The following GRM1 variants were observed in gnomAD, a reference collection of about 807,000 sequenced individuals.
The protein encoded by GRM1 is metabotropic glutamate receptor 1.
In GRM1, 33 loss-of-function variants were observed where a neutral mutation model predicts 90.9. The ratio of observed to expected loss-of-function variants is 0.36; its 90% CI spans 0.28 to 0.49. The LOEUF is 0.49. Among genes scored for constraint, GRM1 ranks in the 20% least tolerant of loss-of-function variants. GRM1 has a pLI of 0.99. For synonymous variants in GRM1, 700 were observed against 613.2 expected, an observed-to-expected ratio of 1.14 and a Z score of -2.09; for missense variants, 1,190 against 1,534.3, an observed-to-expected ratio of 0.78 and a Z score of 3.75.
chr6:146,365,464 A>G (rs1214426834), intron 5 of GRM1: 1 of 152,236 alleles, frequency 6.6e-6, no homozygotes, highest in Non-Finnish European at 1.5e-5. Flanking sequence ...ACAGATCCCC[A>G]TGGAGAAATG....
intron 6 of GRM1, among the ~76,000 whole-genome samples, chr6:146,389,654 T>C (rs1000615754): frequency 4.6e-5 from 7 of 152,114 alleles, no homozygotes; most frequent in Non-Finnish European, 8.8e-5. Context: ...AGCTATCATA[T>C]GCATAAAAGT....
chr6:146,371,906 A>G lies in GRM1; in HGVS notation c.1602+14212A>G, dbSNP rs529353996. On this transcript the variant is annotated intron_variant, in intron 5 of 7. Coordinates refer to ENST00000282753, the MANE Select transcript of GRM1 (RefSeq NM_001278064.2). The stretch of plus-strand genomic sequence containing the variant: ...TGCTTCCAAATCTTAGCTATTAGAA[A>G]AAGTGCTACAACAAACATAGGAGTG... 2.6e-5 allele frequency among the ~76,000 whole-genome samples: 4 copies of G among 152,264 alleles called. No homozygotes were observed. The South Asian group carries it at 8.3e-4, about 32-fold the overall frequency.
rs201307175 is a variant in GRM1 at position 146,119,167 on chromosome 6, T to C, written c.701-40181T>C. On this transcript the variant is annotated intron_variant, in intron 1 of 7. Transcript: ENST00000282753. Reference sequence around the variant, plus strand: ...GTGAGATGGTATCTCATTGTGGTTTTGATTTGCATTTCTCTGATGGCCAGT... The same window carrying C: ...GTGAGATGGTATCTCATTGTGGTTTCGATTTGCATTTCTCTGATGGCCAGT... 3.3e-5 allele frequency among the ~76,000 whole-genome samples: 5 copies of C among 152,374 alleles called. No individual in the cohort carries two copies. In the East Asian group the frequency reaches 9.6e-4, roughly 29 times the overall value.
At chr6:146,209,639 A>G (rs146896594) in intron 2 of GRM1, among the ~76,000 whole-genome samples, 34 of 152,244 alleles carry the variant, frequency 2.2e-4, no homozygotes, top group African/African-American at 7.2e-4. Flanking sequence ...ATGGTTAGGG[A>G]TGGAAGGGTA....
chr6:146,091,326 C>T (rs568249220), intron 1 of GRM1, among the ~76,000 whole-genome samples: 5 of 152,090 alleles, frequency 3.3e-5, no homozygotes, highest in African/African-American at 1.2e-4. Flanking sequence ...GTGAGGAGGC[C>T]GGGGTGAGTG....
intron 2 of GRM1, among the ~76,000 whole-genome samples, chr6:146,279,458 A>G (rs185943287): frequency 6.6e-6 from 1 of 152,154 alleles, no homozygotes. Context: ...AGATATAAAA[A>G]TTTTTTAACC....
intron 6 of GRM1, 73 bp from the exon 7 acceptor site, chr6:146,398,696 G>A (rs362934): frequency 2.7e-5 from 27 of 996,034 alleles, no homozygotes; most frequent in Non-Finnish European, 4.4e-5. Flanking sequence ...CTGTGTCTCT[G>A]GTAATTAATA....
chr6:146,101,469 A>G (rs1202674307), intron 1 of GRM1, among the ~76,000 whole-genome samples: 1 of 151,952 alleles, frequency 6.6e-6, no homozygotes, highest in African/African-American at 2.4e-5. Context: ...TATATACTCT[A>G]TGTCTTTTTC....
intron 7 of GRM1, among the ~76,000 whole-genome samples, chr6:146,413,476 A>G (rs1379426144): frequency 6.6e-6 from 1 of 152,012 alleles, no homozygotes; most frequent in African/African-American, 2.4e-5. Context: ...TCCTTGCTTT[A>G]GTTTTCTTTG....
At position 146,154,671 on chromosome 6, in the gene GRM1, AGATGTTGACATT is replaced by A. The variant is rs1777458173; in HGVS notation, c.701-4674_701-4663del. ...ATTACAATGCTCATGAAACTTTTAC[AGATGTTGACATT>A]GAAGTCCCAAGTCCTTTCTGAATAC... On this transcript the variant is annotated intron_variant, in intron 1 of 7. Coordinates refer to ENST00000282753, the MANE Select transcript of GRM1 (RefSeq NM_001278064.2). 2.0e-5 allele frequency among the ~76,000 whole-genome samples: 3 copies of A among 152,216 alleles called. No individual in the cohort carries two copies. The South Asian group carries it at 6.2e-4, about 32-fold the overall frequency.
At chr6:146,415,386 A>G (rs1777742880) in intron 7 of GRM1, among the ~76,000 whole-genome samples, 1 of 152,254 alleles carries the variant, frequency 6.6e-6, no homozygotes, top group Admixed American at 6.5e-5. Context: ...CATTCAGTTC[A>G]TAATAGAATG....
At chr6:146,281,711 G>A (rs2114856158) in intron 2 of GRM1, among the ~76,000 whole-genome samples, 1 of 152,248 alleles carries the variant, frequency 6.6e-6, no homozygotes, top group East Asian at 1.9e-4. Context: ...ATCACTTAAT[G>A]TGATGAAATA....
At chr6:146,100,324 T>G (rs529015295) in intron 1 of GRM1, among the ~76,000 whole-genome samples, 1 of 152,306 alleles carries the variant, frequency 6.6e-6, no homozygotes, top group South Asian at 2.1e-4. Context: ...TAGTTAAAAT[T>G]ATCTCTTTTT....
At chr6:146,425,141 A>G (rs979172028) in intron 7 of GRM1, among the ~76,000 whole-genome samples, 1 of 152,206 alleles carries the variant, frequency 6.6e-6, no homozygotes, top group African/African-American at 2.4e-5. Context: ...CCTTTAAATG[A>G]TTTCATGAAT....
At chr6:146,054,382 T>C (rs1243689350) in intron 1 of GRM1, among the ~76,000 whole-genome samples, 2 of 152,094 alleles carry the variant, frequency 1.3e-5, no homozygotes, top group Non-Finnish European at 2.9e-5. Flanking sequence ...AGCAGTGATA[T>C]ATTTCATTAT....
chr6:146,371,924 T>C (rs912960886), intron 5 of GRM1, among the ~76,000 whole-genome samples: 3 of 152,146 alleles, frequency 2.0e-5, no homozygotes, highest in Non-Finnish European at 2.9e-5. Context: ...ACAACAAACA[T>C]AGGAGTGCAG....
At chr6:146,219,535 C>G (rs907035977) in intron 2 of GRM1, among the ~76,000 whole-genome samples, 1 of 150,774 alleles carries the variant, frequency 6.6e-6, no homozygotes, top group Non-Finnish European at 1.5e-5. Context: ...TGGATGTCAA[C>G]CAGCCACTTA....
intron 1 of GRM1, among the ~76,000 whole-genome samples, chr6:146,135,435 T>A (rs1013872007): frequency 6.6e-6 from 1 of 152,204 alleles, no homozygotes; most frequent in Non-Finnish European, 1.5e-5. Context: ...TGATGTGAAG[T>A]GGTGTGGAAT....
In GRM1 at chr6:146,080,452, C is replaced by T. The variant is rs532293315; in HGVS notation, c.700+50235C>T. ...TGGGGAGACAGGATGTAAAAATACACGTGACACAGGGAGAGCCAGTTCTTC... is the reference window on the plus strand; with the variant it reads ...TGGGGAGACAGGATGTAAAAATACATGTGACACAGGGAGAGCCAGTTCTTC... On this transcript the variant is annotated intron_variant, in intron 1 of 7. Coordinates refer to ENST00000282753, the MANE Select transcript of GRM1 (RefSeq NM_001278064.2). Among the ~76,000 whole-genome samples the T allele has an allele frequency of 5.3e-5, 8 of 152,200 alleles. No individual in the cohort carries two copies. In the South Asian group the frequency reaches 6.2e-4, roughly 12 times the overall value.
Sources: allele counts gnomAD v4.1 joint callset (sites outside exome capture counted in the v4.1 genomes callset), GRCh38; gene constraint gnomAD v4.1.1; transcripts MANE v1.5; gene names NCBI Gene and HGNC (gene_info 2026-07-23, HGNC 2026-07-21).